Variants in ZNF106 observed in about 807,000 individuals in gnomAD.
The protein encoded by ZNF106 is SH3-domain binding protein 3.
Under a neutral mutation model 195.1 loss-of-function variants are expected in ZNF106, and 67 were observed. The observed-to-expected ratio is 0.34, with a 90% CI of 0.28 to 0.42. The LOEUF is 0.42. ZNF106 is among the 10% of genes least tolerant of loss of function. The pLI, the probability that ZNF106 is intolerant of heterozygous loss-of-function variation, is 1.00. For synonymous variants in ZNF106, 784 were observed against 818.6 expected (o/e 0.96, Z 0.72); for missense variants, 2,118 against 2,304.5 (o/e 0.92, Z 1.66).
chr15:42,483,535 T>C (rs1433952150), intron 1 of ZNF106, among the ~76,000 whole-genome samples: 1 of 152,216 alleles, frequency 6.6e-6, no homozygotes, highest in African/African-American at 2.4e-5. Context: ...TACACATACA[T>C]GGTTTGCTCA....
At chr15:42,466,429 G>T (rs773804919) in intron 2 of ZNF106, among the ~76,000 whole-genome samples, 1 of 151,748 alleles carries the variant, frequency 6.6e-6, no homozygotes, top group Non-Finnish European at 1.5e-5. Flanking sequence ...CCATTATAAA[G>T]AATTTACTAA....
At chr15:42,422,772 C>CAATT in intron 17 of ZNF106, 152 bp from the exon 18 acceptor site, 6 of 719,412 alleles carry the variant, frequency 8.3e-6, no homozygotes, top group Non-Finnish European at 8.1e-6. Context: ...ACAGTTAATA[C>CAATT]AACTGTATTA....
chr15:42,457,866 T>C (rs142004020), intron 3 of ZNF106, among the ~76,000 whole-genome samples: 2,356 of 152,350 alleles, frequency 0.015, 134 homozygotes, highest in Admixed American at 0.12. Context: ...TTGAGAGAGA[T>C]GCAAAACCAG....
intron 3 of ZNF106, among the ~76,000 whole-genome samples, chr15:42,465,020 C>T (rs1034718769): frequency 2.0e-5 from 3 of 152,138 alleles, no homozygotes; most frequent in African/African-American, 7.2e-5. Context: ...TCAATTAAAC[C>T]TCTCTTCTTT....
intron 2 of ZNF106, among the ~76,000 whole-genome samples, chr15:42,469,435 T>C (rs551491648): frequency 6.6e-6 from 1 of 152,334 alleles, no homozygotes; most frequent in Admixed American, 6.5e-5. Flanking sequence ...CTTTTGTTTT[T>C]TTTAAAACAC....
chr15:42,483,865 A>T (rs892173696), intron 1 of ZNF106, among the ~76,000 whole-genome samples: 2 of 152,092 alleles, frequency 1.3e-5, no homozygotes, highest in African/African-American at 4.8e-5. Context: ...TTAATTACTC[A>T]TCCTTCAAAT....
intron 3 of ZNF106, among the ~76,000 whole-genome samples, chr15:42,458,578 T>G (rs984170025): frequency 4.0e-5 from 6 of 151,764 alleles, no homozygotes; most frequent in African/African-American, 9.7e-5. Flanking sequence ...TGTGGTGGTG[T>G]GCACCTGTAT....
At chr15:42,428,446 T>C (rs1179243194) in intron 14 of ZNF106, among the ~76,000 whole-genome samples, 1 of 152,150 alleles carries the variant, frequency 6.6e-6, no homozygotes, top group Non-Finnish European at 1.5e-5. Flanking sequence ...AGGCCAAATA[T>C]AAAAGACAAA....
intron 9 of ZNF106, 90 bp downstream of exon 9, chr15:42,444,112 C>CAG: frequency 4.1e-6 from 1 of 246,690 alleles, no homozygotes; most frequent in Non-Finnish European, 6.8e-6. Context: ...ACTCTGTCTC[C>CAG]AAAAAAAAAA....
chr15:42,442,184 A>G lies in ZNF106; in HGVS notation c.3652T>C (p.Ser1218Pro). 6.2e-7 allele frequency: 1 copy of G among 1,614,202 alleles called. No individual in the cohort carries two copies. Among genetic ancestry groups the G allele is most frequent in the Non-Finnish European group, 8.5e-7 (1 of 1,180,030 alleles). ...QTHGSVPAPD[S>P]SVQIKQEPMS... Reference sequence around the variant, plus strand: ...GGCTCTTGTTTAATCTGAACTGATGAGTCTGGAGCAGGGACACTGCCATGG... The same window carrying G: ...GGCTCTTGTTTAATCTGAACTGATGGGTCTGGAGCAGGGACACTGCCATGG... Residue 1218 changes from serine (S) to proline (P), a missense_variant, in exon 10 of 22, where the codon TCA becomes CCA. Coordinates refer to ENST00000564754, the MANE Select transcript of ZNF106 (RefSeq NM_001366845.3).
intron 13 of ZNF106, among the ~76,000 whole-genome samples, chr15:42,435,758 T>C (rs984990100): frequency 2.0e-5 from 3 of 152,138 alleles, no homozygotes; most frequent in Admixed American, 1.3e-4. Context: ...AAAATACTTA[T>C]GGCAACACTG....
At chr15:42,485,556 C>T (rs1364917412) in intron 1 of ZNF106, among the ~76,000 whole-genome samples, 1 of 152,132 alleles carries the variant, frequency 6.6e-6, no homozygotes. Context: ...GGTGTCTAAA[C>T]AGTCCCAGTC....
intron 20 of ZNF106, among the ~76,000 whole-genome samples, chr15:42,418,594 G>T (rs2054542730): frequency 2.1e-5 from 3 of 143,238 alleles, no homozygotes; most frequent in Admixed American, 7.2e-5. Flanking sequence ...GGTCAGGCTG[G>T]TCTCAAACTC....
intron 21 of ZNF106, 57 bp from the exon 22 acceptor site, chr15:42,417,417 A>G (rs1187228811): frequency 1.9e-6 from 3 of 1,605,476 alleles, no homozygotes; most frequent in African/African-American, 1.3e-5. Flanking sequence ...GACAGGAGAA[A>G]GTCAAAGCCA....
chr15:42,461,851 T>C (rs751250936), intron 3 of ZNF106, among the ~76,000 whole-genome samples: 10 of 152,216 alleles, frequency 6.6e-5, no homozygotes, highest in Non-Finnish European at 1.5e-4. Flanking sequence ...TAATGACTGA[T>C]AATTATTTGT....
intron 3 of ZNF106, among the ~76,000 whole-genome samples, chr15:42,459,622 C>T (rs908982753): frequency 6.6e-6 from 1 of 152,168 alleles, no homozygotes; most frequent in African/African-American, 2.4e-5. Flanking sequence ...AAGCAACACA[C>T]AAAGAAGTTA....
chr15:42,473,068 AAAATCTG>A (rs778130938), intron 1 of ZNF106, among the ~76,000 whole-genome samples: 12 of 152,128 alleles, frequency 7.9e-5, no homozygotes, highest in Non-Finnish European at 1.2e-4. Flanking sequence ...TCCAAATCTA[AAAATCTG>A]AAATCTGAAA....
intron 16 of ZNF106, chr15:42,424,605 C>CCTCATA (rs1280791020): frequency 2.2e-6 from 1 of 446,766 alleles, no homozygotes; most frequent in Admixed American, 3.7e-5. Flanking sequence ...CCCACCTCAG[C>CCTCATA]CTCATAAGTA....
At chr15:42,464,134 G>A (rs1465444505) in intron 3 of ZNF106, among the ~76,000 whole-genome samples, 1 of 152,252 alleles carries the variant, frequency 6.6e-6, no homozygotes, top group South Asian at 2.1e-4. Context: ...AAGGTCAGGA[G>A]TTCAAGATCA....
Sources: allele counts gnomAD v4.1 joint callset (sites outside exome capture counted in the v4.1 genomes callset), GRCh38; gene constraint gnomAD v4.1.1; transcripts MANE v1.5; gene names NCBI Gene and HGNC (gene_info 2026-07-23, HGNC 2026-07-21).